FAM216B: variants seen among roughly 807,000 people sequenced by gnomAD.
FAM216B encodes protein FAM216B.
A neutral mutation model predicts 12.9 loss-of-function variants in FAM216B; 11 were observed. The observed-to-expected ratio is 0.86, with a 90% CI of 0.54 to 1.42. The LOEUF (loss-of-function observed/expected upper bound fraction) is 1.42. Ranked by LOEUF, FAM216B falls within the 40% of genes most tolerant of loss-of-function variation. FAM216B has a pLI of 0.00. For synonymous variants in FAM216B, 52 were observed against 57.2 expected (o/e 0.91, Z 0.41); for missense variants, 167 against 162.9 (o/e 1.02, Z -0.14).
Position 42,788,790 on chromosome 13 carries a change from A to C in FAM216B, c.420A>C (p.Ter140CysextTer28). ...QSKRRQVLRN[*>C] The stretch of plus-strand genomic sequence containing the variant: ...AAAGGCGCCAAGTGCTCAGGAACTG[A>C]GACTTGGCAGCATTTTCAGAAACAG... Residue 140 changes from the stop codon to cysteine, a stop_lost, in exon 4 of 4, where the codon TGA becomes TGC. Transcript: ENST00000313851. The C allele has an allele frequency of 6.2e-7, 1 of 1,601,558 alleles. No individual in the cohort carries two copies. Among genetic ancestry groups the C allele is most frequent in the Non-Finnish European group, 8.5e-7 (1 of 1,174,126 alleles).
At chr13:42,782,588 A>G (rs1057056515) in intron 1 of FAM216B, among the ~76,000 whole-genome samples, 1 of 152,222 alleles carries the variant, frequency 6.6e-6, no homozygotes, top group Non-Finnish European at 1.5e-5. Context: ...TCACACTGCT[A>G]ACAAAGACAA....
In FAM216B at chr13:42,790,342, G is replaced by A. The variant is rs1023806720; in HGVS notation, c.*1552G>A. On this transcript the variant is annotated 3_prime_UTR_variant, in exon 4 of 4. Coordinates refer to ENST00000313851, the MANE Select transcript of FAM216B (RefSeq NM_001318932.2). ...TTTATCTTAGACTTTTTTTTTTGAT[G>A]AGCATAGGTATTTGCTGTGTAAGCC... 22 of 151,126 alleles carry A rather than the reference G, an allele frequency of 1.5e-4. No individual in the cohort carries two copies. Among genetic ancestry groups the A allele is most frequent in the African/African-American group, 4.4e-4 (18 of 41,054 alleles). The allele number at this position is 151,126 out of a possible 1,614,324, so 9.4% of individuals were successfully genotyped here. A position where few individuals can be genotyped will look rare whatever the true frequency, so the allele number is the denominator to read the frequency against.
chr13:42,783,303 G>A (rs1873929924), intron 1 of FAM216B, among the ~76,000 whole-genome samples: 1 of 152,128 alleles, frequency 6.6e-6, no homozygotes, highest in Admixed American at 6.6e-5. Flanking sequence ...GTGAGACTCT[G>A]TCTCAAAAAA....
chr13:42,788,138 C>T (rs143215442), intron 3 of FAM216B, among the ~76,000 whole-genome samples: 30 of 152,268 alleles, frequency 2.0e-4, no homozygotes, highest in African/African-American at 7.2e-4. Context: ...TATTAAAATG[C>T]AGATTTCCAA....
chr13:42,787,962 A>G lies in FAM216B; in HGVS notation c.221-629A>G, dbSNP rs201923525. On this transcript the variant is annotated intron_variant, in intron 3 of 3. Transcript: ENST00000313851. Reference sequence around the variant, plus strand: ...GACCAGGGTCATGCAAGTATTTAATAGTAAACAGAGAAGCCGAGATTCAGT... The same window carrying G: ...GACCAGGGTCATGCAAGTATTTAATGGTAAACAGAGAAGCCGAGATTCAGT... 8.5e-5 allele frequency among the ~76,000 whole-genome samples: 13 copies of G among 152,352 alleles called. No individual in the cohort carries two copies. In the East Asian group the frequency reaches 2.5e-3, roughly 29 times the overall value.
intron 3 of FAM216B, among the ~76,000 whole-genome samples, chr13:42,787,490 C>T (rs1874135338): frequency 6.6e-6 from 1 of 152,198 alleles, no homozygotes; most frequent in South Asian, 2.1e-4. Context: ...CTTCTTTCAA[C>T]CTCTTTAGAT....
At chr13:42,783,589 T>TTTTG (rs1208423403) in intron 1 of FAM216B, among the ~76,000 whole-genome samples, 6 of 152,146 alleles carry the variant, frequency 3.9e-5, no homozygotes, top group Non-Finnish European at 8.8e-5. Flanking sequence ...GCTTTTCAGA[T>TTTTG]TTTGGGCTTT....
chr13:42,781,613 C>T lies in FAM216B; in HGVS notation c.-66C>T, dbSNP rs998506229. 6.6e-6 allele frequency: 1 copy of T among 152,182 alleles called. No homozygotes were observed. The highest frequency in any genetic ancestry group is 1.5e-5 in the Non-Finnish European group (1 of 68,030). The allele number at this position is 152,182 out of a possible 1,614,324, so 9.4% of individuals were successfully genotyped here. A position where few individuals can be genotyped will look rare whatever the true frequency, so the allele number is the denominator to read the frequency against. On this transcript the variant is annotated 5_prime_UTR_variant, in exon 1 of 4. Transcript: ENST00000313851. Reference sequence around the variant, plus strand: ...TATAAACAGAGTCCGCGTAAGAAAACTACACTGAATAGGAATGGCAGCTTT... The same window carrying T: ...TATAAACAGAGTCCGCGTAAGAAAATTACACTGAATAGGAATGGCAGCTTT...
In FAM216B at chr13:42,790,917, G is replaced by C. The variant is rs1473735329; in HGVS notation, c.*2127G>C. The C allele has an allele frequency of 6.6e-6, 1 of 152,110 alleles. No individual in the cohort carries two copies. Among genetic ancestry groups the C allele is most frequent in the Admixed American group, 6.5e-5 (1 of 15,276 alleles). 9.4% of individuals were successfully genotyped at this position (152,110 alleles called of 1,614,324 possible). A position where few individuals can be genotyped will look rare whatever the true frequency, so the allele number is the denominator to read the frequency against. ...TTCAAAGATTCTGCAAGTCAGACTG[G>C]CCTCTGGCTTTGTGATATTATTCTA... On this transcript the variant is annotated 3_prime_UTR_variant, in exon 4 of 4. Transcript: ENST00000313851.
rs1184997987 is a variant in FAM216B, at chr13:42,789,571, T to C, written c.*781T>C. On this transcript the variant is annotated 3_prime_UTR_variant, in exon 4 of 4. Transcript: ENST00000313851. ...AAAACTATACTAAGCAGTGAGTCAG[T>C]TCATCATACAAAGGCATAGTATTGC... 7 of 152,176 alleles carry C rather than the reference T, an allele frequency of 4.6e-5. No homozygotes were observed. Among genetic ancestry groups the C allele is most frequent in the African/African-American group, 1.4e-4 (6 of 41,428 alleles). The allele number at this position is 152,176 out of a possible 1,614,324, so 9.4% of individuals were successfully genotyped here. A position where few individuals can be genotyped will look rare whatever the true frequency, so the allele number is the denominator to read the frequency against.
chr13:42,787,565 C>T (rs1326967632), intron 3 of FAM216B, among the ~76,000 whole-genome samples: 4 of 152,106 alleles, frequency 2.6e-5, no homozygotes, highest in South Asian at 2.1e-4. Flanking sequence ...ATCAACTTAC[C>T]GAAAGGCTAA....
intron 3 of FAM216B, among the ~76,000 whole-genome samples, chr13:42,788,159 CT>C (rs1347675774): frequency 6.6e-6 from 1 of 152,146 alleles, no homozygotes; most frequent in African/African-American, 2.4e-5. Context: ...GATTAACCCT[CT>C]GAGTTTCTGA....
At position 42,788,893 on chromosome 13, in the gene FAM216B, A is replaced by G; in HGVS notation, c.*103A>G. Reference sequence around the variant, plus strand: ...TGAATGACAGTGAATAATTTCTAATATAAACCCCAGACCTAAAAATAATCT... The same window carrying G: ...TGAATGACAGTGAATAATTTCTAATGTAAACCCCAGACCTAAAAATAATCT... On this transcript the variant is annotated 3_prime_UTR_variant, in exon 4 of 4. Transcript: ENST00000313851. The G allele has an allele frequency of 8.6e-7, 1 of 1,160,282 alleles. No homozygotes were observed. Among genetic ancestry groups the G allele is most frequent in the African/African-American group, 1.6e-5 (1 of 64,348 alleles). 71.9% of individuals were successfully genotyped at this position (1,160,282 alleles called of 1,614,324 possible).
intron 1 of FAM216B, 21 bp from the exon 2 acceptor site, chr13:42,784,033 A>G (rs371617694): frequency 1.4e-5 from 21 of 1,526,042 alleles, no homozygotes; most frequent in Non-Finnish European, 1.9e-5. Context: ...ATTTTATGCT[A>G]TGCTTTGTTG....
At position 42,788,580 on chromosome 13, in the gene FAM216B, C is replaced by A. The variant is rs1486937467; in HGVS notation, c.221-11C>A. ...GTTGATTTTGAAGTTTCTCTCATTT[C>A]TTTCCCCTAGGCTATATTACTCAAC... is the stretch of plus-strand genomic sequence containing the variant. On this transcript the variant is annotated splice_polypyrimidine_tract_variant and intron_variant, in intron 3 of 3. Coordinates refer to ENST00000313851, the MANE Select transcript of FAM216B (RefSeq NM_001318932.2). 2 of 1,550,372 alleles carry A rather than the reference C, an allele frequency of 1.3e-6. No homozygotes were observed. The highest frequency in any genetic ancestry group is 1.7e-6 in the Non-Finnish European group (2 of 1,146,774).
Position 42,786,888 on chromosome 13 carries a change from G to A in FAM216B, c.220+5G>A, listed in dbSNP as rs180825862. The A allele has an allele frequency of 3.5e-4, 570 of 1,613,572 alleles. 4 individuals carry two copies. In the African/African-American group the frequency reaches 6.8e-3, roughly 19 times the overall value. Reference sequence around the variant, plus strand: ...TTCAGCACCAACAGCTGCTTGGTAAGTTTAACTACGTGATCCAAACTAAGC... The same window carrying A: ...TTCAGCACCAACAGCTGCTTGGTAAATTTAACTACGTGATCCAAACTAAGC... On this transcript the variant is annotated splice_donor_5th_base_variant and intron_variant, in intron 3 of 3. Coordinates refer to ENST00000313851, the MANE Select transcript of FAM216B (RefSeq NM_001318932.2).
chr13:42,786,989 C>G, intron 3 of FAM216B, 106 bp downstream of exon 3: 8 of 1,501,846 alleles, frequency 5.3e-6, no homozygotes, highest in Non-Finnish European at 7.2e-6. Context: ...CATCTACTGG[C>G]GTGCTATTTT....
In FAM216B at chr13:42,788,885, TTTCTA is replaced by T; in HGVS notation, c.*96_*100del. 1 of 1,215,366 alleles carries T rather than the reference TTTCTA, an allele frequency of 8.2e-7. No homozygotes were observed. The highest frequency in any genetic ancestry group is 1.1e-6 in the Non-Finnish European group (1 of 889,652). The allele number at this position is 1,215,366 out of a possible 1,614,324, so 75.3% of individuals were successfully genotyped here. On this transcript the variant is annotated 3_prime_UTR_variant, in exon 4 of 4. Coordinates refer to ENST00000313851, the MANE Select transcript of FAM216B (RefSeq NM_001318932.2). Reference sequence around the variant, plus strand: ...ATATTTGTTGAATGACAGTGAATAATTTCTAATATAAACCCCAGACCTAAAAATAA... The same window carrying T: ...ATATTTGTTGAATGACAGTGAATAATATATAAACCCCAGACCTAAAAATAA...
intron 3 of FAM216B, among the ~76,000 whole-genome samples, chr13:42,787,760 T>C (rs1186717506): frequency 6.6e-6 from 1 of 152,222 alleles, no homozygotes; most frequent in Non-Finnish European, 1.5e-5. Context: ...TTGCAATTGA[T>C]TTAATAAAAA....
Sources: allele counts gnomAD v4.1 joint callset (sites outside exome capture counted in the v4.1 genomes callset), GRCh38; gene constraint gnomAD v4.1.1; transcripts MANE v1.5; gene names NCBI Gene and HGNC (gene_info 2026-07-23, HGNC 2026-07-21).